The following ANKRD36C variants were observed in gnomAD, a reference collection of about 807,000 sequenced individuals.
ANKRD36C encodes ankyrin repeat domain 36C.
In ANKRD36C, 61 loss-of-function variants were observed where a neutral mutation model predicts 276.4. The observed-to-expected ratio is 0.22, with a 90% CI of 0.18 to 0.27. The LOEUF (loss-of-function observed/expected upper bound fraction) is 0.27. Among genes scored for constraint, ANKRD36C ranks in the 10% least tolerant of loss-of-function variants. The probability of loss-of-function intolerance (pLI) is 1.00; values close to 1 mark genes in which losing one functional copy is unlikely to be tolerated. For missense variants in ANKRD36C, 1,447 were observed against 2,032.3 expected (o/e 0.71, Z 5.54); for synonymous variants, 483 against 680.1 (o/e 0.71, Z 4.51).
At chr2:95,986,424 C>G (rs1470004824) in intron 3 of ANKRD36C, among the ~76,000 whole-genome samples, 1 of 152,152 alleles carries the variant, frequency 6.6e-6, no homozygotes, top group Non-Finnish European at 1.5e-5. Flanking sequence ...TCCTGTGTCA[C>G]TTCACACTGA....
chr2:95,934,819 T>G (rs1416381103), intron 24 of ANKRD36C, among the ~76,000 whole-genome samples: 2 of 152,306 alleles, frequency 1.3e-5, no homozygotes, highest in Non-Finnish European at 2.9e-5. Flanking sequence ...ATTGTAGTAG[T>G]ATCAAAGACT....
At chr2:95,902,728 A>G (rs1293915202) in intron 42 of ANKRD36C, among the ~76,000 whole-genome samples, 158 bp downstream of exon 54, 2 of 150,266 alleles carry the variant, frequency 1.3e-5, no homozygotes, top group Non-Finnish European at 3.0e-5. Flanking sequence ...CCAGACCAGC[A>G]TCATCATCAT....
intron 44 of ANKRD36C, among the ~76,000 whole-genome samples, chr2:95,893,239 A>C (rs1676428887): frequency 6.6e-6 from 1 of 151,300 alleles, no homozygotes; most frequent in African/African-American, 2.4e-5. Flanking sequence ...TACTGAAAAC[A>C]AGCTGGAGAA....
chr2:95,910,296 C>T, intron 42 of ANKRD36C, 77 bp downstream of exon 46: 1 of 1,437,672 alleles, frequency 7.0e-7, no homozygotes, highest in Non-Finnish European at 9.3e-7. Flanking sequence ...CGACGAGCCA[C>T]CCGCTGCTTT....
At chr2:95,903,103 T>C (rs1573752879) in intron 42 of ANKRD36C, 22 bp from the exon 53 acceptor site, 1 of 1,556,524 alleles carries the variant, frequency 6.4e-7, no homozygotes, top group East Asian at 2.4e-5. Flanking sequence ...AAGGGATTCA[T>C]AATCACTCAT....
At chr2:95,925,600 T>G in intron 28 of ANKRD36C, 53 bp from the exon 29 acceptor site, 1 of 1,489,108 alleles carries the variant, frequency 6.7e-7, no homozygotes, top group Non-Finnish European at 9.1e-7. Context: ...GATAAAGTCG[T>G]CCACACATTC....
intron 6 of ANKRD36C, among the ~76,000 whole-genome samples, chr2:95,973,273 G>A (rs537377637): frequency 9.9e-5 from 15 of 151,994 alleles, no homozygotes; most frequent in African/African-American, 1.9e-4. Flanking sequence ...TTAGCTGGGC[G>A]TGGTGGTGCA....
At chr2:95,894,358 C>A (rs934831906) in intron 44 of ANKRD36C, 3 of 152,478 alleles carry the variant, frequency 2.0e-5, no homozygotes, top group African/African-American at 7.3e-5. Flanking sequence ...GTTTAGCCTT[C>A]CAAAAGTTTC....
chr2:95,851,913 C>T (rs1675300996), intron 65 of ANKRD36C, 126 bp from the exon 86 acceptor site: 1 of 1,117,214 alleles, frequency 9.0e-7, no homozygotes, highest in Non-Finnish European at 1.3e-6. Flanking sequence ...GACGATTGGG[C>T]TACTGTGTCA....
chr2:95,876,675 C>A (rs1312014987), intron 58 of ANKRD36C, among the ~76,000 whole-genome samples, 163 bp from the exon 79 acceptor site: 1 of 151,072 alleles, frequency 6.6e-6, no homozygotes, highest in Admixed American at 6.6e-5. Context: ...CAAGGTGAAA[C>A]CCCGTCTCTA....
At chr2:95,987,284 A>C (rs1679048751) in intron 1 of ANKRD36C, 78 bp from the exon 2 acceptor site, 3 of 1,478,858 alleles carry the variant, frequency 2.0e-6, no homozygotes, top group Non-Finnish European at 2.7e-6. Flanking sequence ...CTTCAAAACA[A>C]ATATGTAATT....
intron 44 of ANKRD36C, among the ~76,000 whole-genome samples, 168 bp downstream of exon 60, chr2:95,897,102 C>A (rs1363611607): frequency 6.7e-6 from 1 of 150,354 alleles, no homozygotes; most frequent in African/African-American, 2.4e-5. Flanking sequence ...AGATCACGTT[C>A]CAGACCAGCA....
At chr2:95,874,934 C>T (rs1254448142) in intron 59 of ANKRD36C, among the ~76,000 whole-genome samples, 2 of 152,218 alleles carry the variant, frequency 1.3e-5, no homozygotes, top group Non-Finnish European at 2.9e-5. Flanking sequence ...AAACAATGCT[C>T]ACCATCACTA....
intron 28 of ANKRD36C, among the ~76,000 whole-genome samples, chr2:95,926,682 A>G (rs528837409): frequency 4.0e-5 from 6 of 151,580 alleles, no homozygotes; most frequent in East Asian, 3.9e-4. Context: ...GTTTGAATAT[A>G]CAACTGAACT....
intron 6 of ANKRD36C, among the ~76,000 whole-genome samples, chr2:95,971,360 G>A (rs1050541675): frequency 6.8e-6 from 1 of 146,286 alleles, no homozygotes; most frequent in Non-Finnish European, 1.5e-5. Context: ...CTTCTCAGTT[G>A]TAACAAATGT....
chr2:95,868,906 T>TA (rs1449010060), intron 59 of ANKRD36C, among the ~76,000 whole-genome samples: 2 of 152,298 alleles, frequency 1.3e-5, no homozygotes, highest in Non-Finnish European at 2.9e-5. Context: ...AGGTTTTTTT[T>TA]ACCCTAGTTT....
At chr2:95,879,239 G>T (rs1676021867) in intron 58 of ANKRD36C, among the ~76,000 whole-genome samples, 1 of 152,110 alleles carries the variant, frequency 6.6e-6, no homozygotes, top group African/African-American at 2.4e-5. Flanking sequence ...TTGTGGGTGT[G>T]AGAAATTTCA....
intron 44 of ANKRD36C, chr2:95,893,602 T>C (rs1187984989): frequency 2.5e-6 from 4 of 1,583,384 alleles, no homozygotes; most frequent in Non-Finnish European, 3.4e-6. Flanking sequence ...TCGTCACCTG[T>C]AGCCTGAATG....
At chr2:95,857,426 T>A (rs1281788754) in exon 62 of ANKRD36C, 11 of 1,607,008 alleles carry the variant, frequency 6.8e-6, no homozygotes, top group Non-Finnish European at 9.3e-6. Context: ...TTCTTAACTT[T>A]TCCCTAACTT....
Sources: gnomAD v4.1 joint callset for allele counts (sites outside exome capture counted in the v4.1 genomes callset) on GRCh38, gnomAD v4.1.1 for gene constraint, MANE v1.5 for transcripts, NCBI Gene and HGNC (gene_info 2026-07-23, HGNC 2026-07-21) for gene names.